Variants in SHISA9 observed in about 807,000 individuals in gnomAD.
SHISA9 encodes the protein protein shisa-9.
SHISA9 carries 13 observed loss-of-function variants against 38.0 expected under a neutral mutation model. The ratio of observed to expected loss-of-function variants is 0.34; its 90% CI spans 0.22 to 0.54. SHISA9 has a LOEUF of 0.54. SHISA9 is among the 20% of genes least tolerant of loss of function. The pLI is 0.91. For synonymous variants in SHISA9, 275 were observed against 242.0 expected (o/e 1.14, Z -1.27); for missense variants, 538 against 575.8 (o/e 0.93, Z 0.67).
At chr16:13,083,493 GA>G (rs772937681) in intron 2 of SHISA9, among the ~76,000 whole-genome samples, 8 of 152,326 alleles carry the variant, frequency 5.3e-5, no homozygotes, top group South Asian at 4.1e-4. Flanking sequence ...GGGTAGTGAG[GA>G]AAGCAAGATT....
At chr16:13,530,488 T>C in the SHISA9 span, among the ~76,000 whole-genome samples, 1 of 152,144 alleles carries the variant, frequency 6.6e-6, no homozygotes, top group Non-Finnish European at 1.5e-5. Flanking sequence ...GTCTGACACA[T>C]AGGAAGTGTT....
the SHISA9 span, among the ~76,000 whole-genome samples, chr16:13,460,955 C>G: frequency 8.5e-5 from 13 of 152,214 alleles, no homozygotes; most frequent in African/African-American, 3.1e-4. Flanking sequence ...CTTCATCGCT[C>G]CTTGTTAAAA....
chr16:13,280,736 T>C, the SHISA9 span, among the ~76,000 whole-genome samples: 100,999 of 151,448 alleles, frequency 0.67, 33,995 homozygotes, highest in African/African-American at 0.76. Flanking sequence ...TTTCCTTGTA[T>C]CATACCCACC....
chr16:13,255,110 C>T, the SHISA9 span, among the ~76,000 whole-genome samples: 3 of 152,158 alleles, frequency 2.0e-5, no homozygotes, highest in Admixed American at 6.5e-5. Flanking sequence ...ATGCCTGTTA[C>T]GTCCCCTAAC....
chr16:13,007,018 G>GCC (rs1376329434), intron 2 of SHISA9, among the ~76,000 whole-genome samples: 1 of 152,044 alleles, frequency 6.6e-6, no homozygotes, highest in Non-Finnish European at 1.5e-5. Context: ...ATGCTGTTGA[G>GCC]CCCCCAAATT....
the SHISA9 span, among the ~76,000 whole-genome samples, chr16:13,264,083 A>C: frequency 1.3e-5 from 2 of 151,466 alleles, no homozygotes; most frequent in Non-Finnish European, 2.9e-5. Context: ...CCAACATAGT[A>C]TGTCTTGCTT....
chr16:13,424,758 T>A, the SHISA9 span, among the ~76,000 whole-genome samples: 2 of 152,256 alleles, frequency 1.3e-5, no homozygotes, highest in African/African-American at 2.4e-5. Context: ...GGCATGGCTA[T>A]GTCTCGGTTA....
intron 2 of SHISA9, among the ~76,000 whole-genome samples, chr16:12,981,782 C>T (rs2072243107): frequency 6.6e-6 from 1 of 152,104 alleles, no homozygotes; most frequent in Non-Finnish European, 1.5e-5. Context: ...TATGGGTGGA[C>T]TCTAACCCCA....
At chr16:13,150,454 C>T (rs998684387) in intron 2 of SHISA9, among the ~76,000 whole-genome samples, 2 of 152,040 alleles carry the variant, frequency 1.3e-5, no homozygotes, top group African/African-American at 4.8e-5. Flanking sequence ...GTAGACTTGG[C>T]CCTATTTGTC....
At chr16:13,123,851 T>G (rs973312210) in intron 2 of SHISA9, among the ~76,000 whole-genome samples, 5 of 152,174 alleles carry the variant, frequency 3.3e-5, no homozygotes, top group Admixed American at 6.5e-5. Flanking sequence ...CTGTGGGAAC[T>G]GGGGAATTTA....
the SHISA9 span, among the ~76,000 whole-genome samples, chr16:13,354,961 T>G: frequency 2.0e-4 from 30 of 148,830 alleles, no homozygotes; most frequent in East Asian, 1.3e-3. Context: ...GGTAATTTGC[T>G]GAGCTTGATG....
At chr16:13,131,914 G>A (rs1418127842) in intron 2 of SHISA9, among the ~76,000 whole-genome samples, 2 of 152,078 alleles carry the variant, frequency 1.3e-5, no homozygotes, top group African/African-American at 4.8e-5. Context: ...CGCTGATCCC[G>A]GACTCATGGG....
intron 2 of SHISA9, among the ~76,000 whole-genome samples, chr16:13,040,194 T>G (rs2141887206): frequency 6.6e-6 from 1 of 152,320 alleles, no homozygotes; most frequent in African/African-American, 2.4e-5. Context: ...TGCAAACTCC[T>G]CTCTGTGCCC....
Position 13,203,400 on chromosome 16 carries a change from C to T in SHISA9, c.698C>T (p.Thr233Ile). 2 of 1,531,088 alleles carry T rather than the reference C, an allele frequency of 1.3e-6. No individual in the cohort carries two copies. Among genetic ancestry groups the T allele is most frequent in the Non-Finnish European group, 1.8e-6 (2 of 1,139,172 alleles). 94.8% of individuals were successfully genotyped at this position (1,531,088 alleles called of 1,614,324 possible). Residue 233 changes from threonine (T) to isoleucine (I), a missense_variant, in exon 3 of 5, where the codon ACC (threonine) becomes ATC (isoleucine). Around this residue, in one of 4 missense-constraint regions of SHISA9, gnomAD observed 326 missense variants for 305.9 expected, o/e 1.07. Coordinates refer to ENST00000558583, the MANE Select transcript of SHISA9 (RefSeq NM_001145204.3). ...TRTPINNLHA[T>I]QMNNAVPTSP... The stretch of plus-strand genomic sequence containing the variant: ...TCTGTGTCTTCACTTCCAGATGCCA[C>T]CCAGATGAACAACGCAGTGCCCACC...
At chr16:13,211,625 A>T (rs2051120941) in intron 3 of SHISA9, among the ~76,000 whole-genome samples, 2 of 152,234 alleles carry the variant, frequency 1.3e-5, no homozygotes, top group Non-Finnish European at 2.9e-5. Context: ...GTGACCAAGT[A>T]CACAGTGGAG....
At chr16:13,055,533 G>C (rs1007459580) in intron 2 of SHISA9, among the ~76,000 whole-genome samples, 8 of 152,308 alleles carry the variant, frequency 5.3e-5, no homozygotes, top group Admixed American at 2.6e-4. Context: ...TCATGAGAAA[G>C]TGTCTTGGCT....
intron 2 of SHISA9, among the ~76,000 whole-genome samples, chr16:13,003,976 G>T (rs569442712): frequency 5.9e-5 from 9 of 152,246 alleles, no homozygotes; most frequent in Non-Finnish European, 7.4e-5. Context: ...CTATGTGTTG[G>T]GGGTGCTTTC....
intron 2 of SHISA9, among the ~76,000 whole-genome samples, chr16:12,986,521 G>A (rs905635611): frequency 2.0e-5 from 3 of 152,132 alleles, no homozygotes; most frequent in African/African-American, 7.2e-5. Flanking sequence ...GTGTGGTGGT[G>A]GTAAAGGGAA....
the SHISA9 span, among the ~76,000 whole-genome samples, chr16:13,383,877 A>G: frequency 2.0e-5 from 3 of 151,944 alleles, no homozygotes; most frequent in Non-Finnish European, 2.9e-5. Flanking sequence ...CTGGTCTCAA[A>G]CTCCTGAGCT....
Sources: gnomAD v4.1 joint callset for allele counts (sites outside exome capture counted in the v4.1 genomes callset) on GRCh38, gnomAD v4.1.1 for gene constraint, gnomAD v4.1.1 regional missense constraint, MANE v1.5 for transcripts, NCBI Gene and HGNC (gene_info 2026-07-23, HGNC 2026-07-21) for gene names.